Variants in IRAK1BP1 observed in about 807,000 individuals in gnomAD.
IRAK1BP1 encodes the protein interleukin 1 receptor associated kinase 1 binding protein 1, also known as interleukin-1 receptor-associated kinase 1-binding protein 1.
Under a neutral mutation model 28.0 loss-of-function variants are expected in IRAK1BP1, and 24 were observed. The ratio of observed to expected loss-of-function variants is 0.86; its 90% CI spans 0.62 to 1.20. IRAK1BP1 has a LOEUF of 1.20. Ranked by LOEUF, IRAK1BP1 falls within the 50% of genes most tolerant of loss-of-function variation. IRAK1BP1 has a pLI of 0.00. For synonymous variants in IRAK1BP1, 131 were observed against 116.3 expected (o/e 1.13, Z -0.81); for missense variants, 336 against 316.7 (o/e 1.06, Z -0.46).
chr6:78,895,865 T>G (rs1771863964), intron 2 of IRAK1BP1, among the ~76,000 whole-genome samples: 1 of 152,168 alleles, frequency 6.6e-6, no homozygotes, highest in Admixed American at 6.6e-5. Context: ...CTTTCACCAT[T>G]GTACTTGAAA....
chr6:78,913,516 C>T (rs1772479847), intron 4 of IRAK1BP1, among the ~76,000 whole-genome samples: 1 of 152,040 alleles, frequency 6.6e-6, no homozygotes, highest in Admixed American at 6.6e-5. Flanking sequence ...CATAGTGGCA[C>T]ACACCTGTAA....
At chr6:78,879,430 G>C (rs1562078057) in intron 1 of IRAK1BP1, among the ~76,000 whole-genome samples, 1 of 152,070 alleles carries the variant, frequency 6.6e-6, no homozygotes, top group Non-Finnish European at 1.5e-5. Flanking sequence ...GTTTTTCAGA[G>C]AGAAAAACAA....
chr6:78,978,343 T>C, the IRAK1BP1 span, among the ~76,000 whole-genome samples: 2 of 152,084 alleles, frequency 1.3e-5, no homozygotes, highest in Non-Finnish European at 2.9e-5. Context: ...AACCTCTTAC[T>C]AAAACATACA....
At chr6:78,955,582 A>T in the IRAK1BP1 span, 1 of 723,876 alleles carries the variant, frequency 1.4e-6, no homozygotes, top group Non-Finnish European at 2.4e-6. Context: ...AGAGAATATC[A>T]ATATGGTAAT....
At chr6:78,870,567 T>C (rs185206333) in intron 1 of IRAK1BP1, among the ~76,000 whole-genome samples, 1 of 152,318 alleles carries the variant, frequency 6.6e-6, no homozygotes, top group East Asian at 1.9e-4. Flanking sequence ...ATGGTATAGA[T>C]CATAGATTTA....
At chr6:78,880,940 A>G (rs914915875) in intron 1 of IRAK1BP1, among the ~76,000 whole-genome samples, 1 of 152,204 alleles carries the variant, frequency 6.6e-6, no homozygotes, top group Admixed American at 6.5e-5. Context: ...TTGCAAAATT[A>G]TATGGCCACT....
At chr6:78,893,064 T>C (rs1771721015) in intron 2 of IRAK1BP1, among the ~76,000 whole-genome samples, 1 of 150,082 alleles carries the variant, frequency 6.7e-6, no homozygotes, top group South Asian at 2.1e-4. Context: ...AAAGTTCAAC[T>C]AACCCTAAGC....
intron 4 of IRAK1BP1, among the ~76,000 whole-genome samples, chr6:78,920,080 C>G (rs1772681234): frequency 6.6e-6 from 1 of 152,020 alleles, no homozygotes; most frequent in South Asian, 2.1e-4. Flanking sequence ...ATGGTGAAAC[C>G]CTGTCTCTAC....
chr6:78,948,001 G>A (rs1229079499), downstream of IRAK1BP1, among the ~76,000 whole-genome samples: 1 of 151,682 alleles, frequency 6.6e-6, no homozygotes, highest in Non-Finnish European at 1.5e-5. Context: ...CAAGAACACA[G>A]AAGTTATTAA....
chr6:78,883,851 T>C (rs1771317684), intron 1 of IRAK1BP1, among the ~76,000 whole-genome samples: 1 of 152,150 alleles, frequency 6.6e-6, no homozygotes. Context: ...CCTTGTTCAG[T>C]GTGTATCCGT....
chr6:78,945,591 A>G (rs768715612), exon 5 of IRAK1BP1: 1 of 778,676 alleles, frequency 1.3e-6, no homozygotes, highest in Non-Finnish European at 2.1e-6. Context: ...AGCCAAGACA[A>G]CAAAACCTGA....
At chr6:78,878,254 A>G (rs968168076) in intron 1 of IRAK1BP1, among the ~76,000 whole-genome samples, 2 of 152,180 alleles carry the variant, frequency 1.3e-5, no homozygotes, top group African/African-American at 4.8e-5. Flanking sequence ...GTAGGGGCCA[A>G]CTGACACCTC....
intron 1 of IRAK1BP1, chr6:78,871,633 T>C (rs1199741518): frequency 1.7e-5 from 11 of 651,722 alleles, no homozygotes; most frequent in Non-Finnish European, 2.1e-5. Context: ...AGGAGGCTTT[T>C]AGGAGGTGAT....
the IRAK1BP1 span, among the ~76,000 whole-genome samples, chr6:78,977,170 T>C: frequency 1.3e-5 from 2 of 149,764 alleles, no homozygotes; most frequent in African/African-American, 2.5e-5. Context: ...ATGTGGCACA[T>C]ATACACCATG....
chr6:78,975,293 T>C, the IRAK1BP1 span, among the ~76,000 whole-genome samples: 1 of 152,196 alleles, frequency 6.6e-6, no homozygotes, highest in Non-Finnish European at 1.5e-5. Flanking sequence ...TCTCAATAGA[T>C]GCAGAAAAGG....
rs911522429 is a variant in IRAK1BP1 at position 78,944,592 on chromosome 6, G to C, written c.*68-816G>C. Among the ~76,000 whole-genome samples, 4 of 152,304 alleles carry C rather than the reference G, an allele frequency of 2.6e-5. No homozygotes were observed. The East Asian group carries it at 7.7e-4, about 29-fold the overall frequency. On this transcript the variant is annotated intron_variant and NMD_transcript_variant, in intron 4 of 4. Transcript: ENST00000606868. Reference sequence around the variant, plus strand: ...GTTGAACAGATTCAGTTGCTGAAGAGAAGGCTAGGATGACTCCCTGATTTT... The same window carrying C: ...GTTGAACAGATTCAGTTGCTGAAGACAAGGCTAGGATGACTCCCTGATTTT...
At chr6:78,882,029 A>G (rs1199872079) in intron 1 of IRAK1BP1, among the ~76,000 whole-genome samples, 1 of 152,134 alleles carries the variant, frequency 6.6e-6, no homozygotes, top group Non-Finnish European at 1.5e-5. Flanking sequence ...GTCTATGCAT[A>G]TATATATGTA....
chr6:78,869,444 C>T (rs538802326), intron 1 of IRAK1BP1, among the ~76,000 whole-genome samples: 2 of 152,152 alleles, frequency 1.3e-5, no homozygotes, highest in South Asian at 2.1e-4. Flanking sequence ...CTCTTGAATC[C>T]GGGAGGCGAA....
intron 4 of IRAK1BP1, chr6:78,939,994 T>C (rs185852536): frequency 1.3e-5 from 2 of 152,614 alleles, no homozygotes; most frequent in Admixed American, 1.3e-4. Flanking sequence ...GATTGAGTGA[T>C]ATAAGAATCA....
Sources: gnomAD v4.1 joint callset for allele counts (sites outside exome capture counted in the v4.1 genomes callset) on GRCh38, gnomAD v4.1.1 for gene constraint, MANE v1.5 for transcripts, NCBI Gene and HGNC (gene_info 2026-07-23, HGNC 2026-07-21) for gene names.